Variants in STK32B observed in about 807,000 individuals in gnomAD.
STK32B encodes serine/threonine-protein kinase 32B.
A neutral mutation model predicts 52.6 loss-of-function variants in STK32B; 43 were observed. The ratio of observed to expected loss-of-function variants is 0.82; its 90% CI spans 0.64 to 1.05. The LOEUF (loss-of-function observed/expected upper bound fraction) is 1.05. STK32B is among the 50% of genes least tolerant of loss of function. The probability of loss-of-function intolerance (pLI) is 0.00; values close to 1 mark genes in which losing one functional copy is unlikely to be tolerated. For missense variants in STK32B, 621 were observed against 534.6 expected (o/e 1.16, Z -1.59); for synonymous variants, 238 against 204.3 (o/e 1.17, Z -1.41).
chr4:5,191,394 G>A (rs772417456), intron 3 of STK32B, among the ~76,000 whole-genome samples: 3 of 152,060 alleles, frequency 2.0e-5, no homozygotes, highest in Non-Finnish European at 4.4e-5. Flanking sequence ...GGGATTACAG[G>A]CGCACACCAC....
intron 3 of STK32B, among the ~76,000 whole-genome samples, chr4:5,282,301 T>C (rs1483945677): frequency 6.6e-6 from 1 of 152,114 alleles, no homozygotes. Context: ...GAGGCCAAAA[T>C]CTACAGATTC....
intron 1 of STK32B, among the ~76,000 whole-genome samples, chr4:5,129,322 C>A (rs1715605516): frequency 6.6e-6 from 1 of 152,186 alleles, no homozygotes; most frequent in South Asian, 2.1e-4. Flanking sequence ...CAACCTAGGT[C>A]TGTTAACGTC....
At chr4:5,232,425 A>G (rs1265640114) in intron 3 of STK32B, among the ~76,000 whole-genome samples, 2 of 152,244 alleles carry the variant, frequency 1.3e-5, no homozygotes, top group Admixed American at 1.3e-4. Flanking sequence ...TGCTAATGCA[A>G]CTGTGATTTG....
At chr4:5,177,322 A>C (rs1265934117) in intron 3 of STK32B, among the ~76,000 whole-genome samples, 2 of 152,122 alleles carry the variant, frequency 1.3e-5, no homozygotes, top group Non-Finnish European at 2.9e-5. Context: ...AAACTATCAG[A>C]TCTTATGAGA....
intron 1 of STK32B, among the ~76,000 whole-genome samples, chr4:5,125,424 C>A (rs757590212): frequency 2.0e-5 from 3 of 152,192 alleles, no homozygotes; most frequent in Non-Finnish European, 4.4e-5. Flanking sequence ...TCCCTCCAGC[C>A]CCCCTCCCTG....
intron 3 of STK32B, among the ~76,000 whole-genome samples, chr4:5,298,918 G>C (rs1729379203): frequency 6.6e-6 from 1 of 152,040 alleles, no homozygotes; most frequent in Non-Finnish European, 1.5e-5. Context: ...CCGGGGCCCT[G>C]GTGGTGTAGG....
chr4:5,216,722 G>T (rs569585953), intron 3 of STK32B, among the ~76,000 whole-genome samples: 1 of 152,320 alleles, frequency 6.6e-6, no homozygotes, highest in East Asian at 1.9e-4. Context: ...GGAGCTGGAG[G>T]TGCCTTCTGA....
At chr4:5,311,231 T>A (rs1468430000) in intron 3 of STK32B, among the ~76,000 whole-genome samples, 2 of 152,200 alleles carry the variant, frequency 1.3e-5, no homozygotes, top group Non-Finnish European at 2.9e-5. Context: ...AGATTTTGAA[T>A]GTTACCAACA....
At position 5,500,479 on chromosome 4, in the gene STK32B, G is replaced by T. The variant is rs538300381; in HGVS notation, c.*1396G>T. Reference sequence around the variant, plus strand: ...AAACCTGTTTAGGATTCTTCCAAATGTTCTTCCTGGGGTCTTTGATATTTG... The same window carrying T: ...AAACCTGTTTAGGATTCTTCCAAATTTTCTTCCTGGGGTCTTTGATATTTG... On this transcript the variant is annotated 3_prime_UTR_variant, in exon 12 of 12. Coordinates refer to ENST00000282908, the MANE Select transcript of STK32B (RefSeq NM_018401.3). The T allele has an allele frequency of 2.6e-5, 4 of 152,216 alleles. No individual in the cohort carries two copies. The East Asian group carries it at 7.7e-4, about 29-fold the overall frequency. The allele number at this position is 152,216 out of a possible 1,614,324, so 9.4% of individuals were successfully genotyped here.
intron 3 of STK32B, among the ~76,000 whole-genome samples, chr4:5,210,342 C>T (rs539096125): frequency 5.9e-5 from 9 of 152,288 alleles, no homozygotes; most frequent in East Asian, 5.8e-4. Context: ...CCCATCTCCT[C>T]GGGCCATGCA....
intron 3 of STK32B, among the ~76,000 whole-genome samples, chr4:5,314,534 G>T (rs1730532676): frequency 6.6e-6 from 1 of 152,170 alleles, no homozygotes; most frequent in Non-Finnish European, 1.5e-5. Flanking sequence ...GCTGGGCATG[G>T]TGACAGGCAC....
At chr4:5,230,725 A>G (rs1724205781) in intron 3 of STK32B, among the ~76,000 whole-genome samples, 1 of 152,220 alleles carries the variant, frequency 6.6e-6, no homozygotes, top group Non-Finnish European at 1.5e-5. Flanking sequence ...GTGTGCATGT[A>G]CATGTGGAAA....
chr4:5,301,779 T>G (rs10016489), intron 3 of STK32B, among the ~76,000 whole-genome samples: 43,013 of 144,048 alleles, frequency 0.3, 10,713 homozygotes, highest in African/African-American at 0.71. Flanking sequence ...AGTTTATCTT[T>G]TATTTCATTG....
At chr4:5,257,032 T>C (rs938191633) in intron 3 of STK32B, among the ~76,000 whole-genome samples, 2 of 151,784 alleles carry the variant, frequency 1.3e-5, no homozygotes, top group African/African-American at 4.9e-5. Context: ...AATGAGTGGA[T>C]GAATAAGTGA....
rs559720018 is a variant in STK32B at position 5,489,676 on chromosome 4, T to C, written c.1107-9269T>C. Among the ~76,000 whole-genome samples, 246 of 152,042 alleles carry C rather than the reference T, an allele frequency of 1.6e-3. 1 individual carries two copies. The highest frequency in any genetic ancestry group is 5.8e-3 in the African/African-American group (239 of 41,496). On this transcript the variant is annotated intron_variant, in intron 11 of 11. Coordinates refer to ENST00000282908, the MANE Select transcript of STK32B (RefSeq NM_018401.3). ...TTGCTTTCTCACCAGGCTGGAGTGC[T>C]GCAGCACAATCTTGGCTCACTGCAA...
At chr4:5,162,950 A>C (rs566413434) in intron 2 of STK32B, among the ~76,000 whole-genome samples, 1 of 152,186 alleles carries the variant, frequency 6.6e-6, no homozygotes, top group Non-Finnish European at 1.5e-5. Context: ...CATGGTTGTC[A>C]TGGGATTTTG....
At chr4:5,244,644 C>T (rs565831860) in intron 3 of STK32B, among the ~76,000 whole-genome samples, 47 of 152,134 alleles carry the variant, frequency 3.1e-4, no homozygotes, top group African/African-American at 1.0e-3. Flanking sequence ...GCTCTTGCTT[C>T]TCTAGTTCTT....
intron 2 of STK32B, among the ~76,000 whole-genome samples, chr4:5,145,384 A>G: frequency 6.6e-6 from 1 of 152,210 alleles, no homozygotes; most frequent in East Asian, 1.9e-4. Context: ...ATACAACAGA[A>G]TGAACACATC....
rs772694061 is a variant in STK32B at position 5,398,234 on chromosome 4, G to A, written c.462G>A (p.Leu154=). The A allele has an allele frequency of 3.7e-6, 6 of 1,614,074 alleles. No individual in the cohort carries two copies. The highest frequency in any genetic ancestry group is 1.7e-5 in the Admixed American group (1 of 60,010). ...ACATCAAGCCAGACAATATCCTGCT[G>A]GATGAACACGGTAAGCCTGCTACTA... The part of the protein sequence containing the change: ...HRDIKPDNIL[L]DEHGHVHITD... The change falls in exon 5 of 12, where the codon CTG becomes CTA. Residue 154 remains leucine, a synonymous_variant. Coordinates refer to ENST00000282908, the MANE Select transcript of STK32B (RefSeq NM_018401.3). The surrounding 1 kb of genome is among the most constrained non-coding windows in gnomAD (Gnocchi z 4.9).
Sources: gnomAD v4.1 joint callset for allele counts (sites outside exome capture counted in the v4.1 genomes callset) on GRCh38, gnomAD v4.1.1 for gene constraint, Gnocchi (gnomAD v3.1) non-coding constraint, MANE v1.5 for transcripts, NCBI Gene and HGNC (gene_info 2026-07-23, HGNC 2026-07-21) for gene names.